Variants in GABBR2 observed in about 807,000 individuals in gnomAD.
GABBR2 encodes G-protein coupled receptor 51.
In GABBR2, 23 loss-of-function variants were observed where a neutral mutation model predicts 105.6. That is an observed-to-expected ratio of 0.22 (90% CI 0.16 to 0.31). The LOEUF is 0.31. GABBR2 is among the 10% of genes least tolerant of loss of function. The pLI is 1.00. For missense variants in GABBR2, 734 were observed against 1,245.5 expected (o/e 0.59, Z 6.18); for synonymous variants, 478 against 499.7 (o/e 0.96, Z 0.58).
chr9:98,453,130 G>A (rs111661698), intron 7 of GABBR2, among the ~76,000 whole-genome samples: 4 of 152,170 alleles, frequency 2.6e-5, no homozygotes, highest in South Asian at 2.1e-4. Context: ...GGGTTCAAGC[G>A]ATTCTCCTGC....
chr9:98,382,454 C>T (rs996231062), intron 11 of GABBR2, among the ~76,000 whole-genome samples: 4 of 152,128 alleles, frequency 2.6e-5, no homozygotes, highest in African/African-American at 9.7e-5. Flanking sequence ...GCTGGGACTA[C>T]AGGCGCCCGC....
At chr9:98,416,428 T>C (rs1183543377) in intron 7 of GABBR2, among the ~76,000 whole-genome samples, 1 of 152,232 alleles carries the variant, frequency 6.6e-6, no homozygotes, top group Admixed American at 6.5e-5. Flanking sequence ...CTCTCTATCC[T>C]GCTCTGTGAT....
intron 1 of GABBR2, among the ~76,000 whole-genome samples, chr9:98,685,840 AC>A (rs1237981495): frequency 6.6e-6 from 1 of 151,984 alleles, no homozygotes; most frequent in Admixed American, 6.6e-5. Context: ...CTACACACAC[AC>A]ACACCATCAT....
intron 12 of GABBR2, among the ~76,000 whole-genome samples, chr9:98,369,609 T>C (rs1831742918): frequency 1.3e-5 from 2 of 152,230 alleles, no homozygotes; most frequent in Admixed American, 6.5e-5. Context: ...GTTTAGCCTG[T>C]TGGCCTCACT....
intron 2 of GABBR2, among the ~76,000 whole-genome samples, chr9:98,556,390 G>A (rs1385587970): frequency 6.6e-6 from 1 of 152,164 alleles, no homozygotes; most frequent in Admixed American, 6.5e-5. Context: ...TACCCTGTGA[G>A]CCAACGCTTT....
chr9:98,609,590 C>G (rs892619727), intron 1 of GABBR2, among the ~76,000 whole-genome samples: 1 of 152,166 alleles, frequency 6.6e-6, no homozygotes, highest in African/African-American at 2.4e-5. Context: ...CAATGAGTGG[C>G]AAAACTGGTT....
chr9:98,322,464 C>T (rs1236256249), intron 13 of GABBR2, among the ~76,000 whole-genome samples: 2 of 152,118 alleles, frequency 1.3e-5, no homozygotes, highest in African/African-American at 4.8e-5. Context: ...CTCTTCCCAA[C>T]CCATTCCTCC....
rs1830235582 is a variant in GABBR2, at chr9:98,288,523, ATAT to A, written c.*2058_*2060del. 1 of 151,816 alleles carries A rather than the reference ATAT, an allele frequency of 6.6e-6. No homozygotes were observed. The highest frequency in any genetic ancestry group is 1.5e-5 in the Non-Finnish European group (1 of 67,800). The allele number at this position is 151,816 out of a possible 1,614,324, so 9.4% of individuals were successfully genotyped here. ...TTTGTTTTCCTGCTATGCTGGAATA[ATAT>A]TTCTACAGGTATTTTTTTTTGTGTG... On this transcript the variant is annotated 3_prime_UTR_variant, in exon 19 of 19. Transcript: ENST00000259455.
intron 13 of GABBR2, among the ~76,000 whole-genome samples, chr9:98,361,178 C>T (rs1028556817): frequency 2.6e-5 from 4 of 152,132 alleles, no homozygotes; most frequent in African/African-American, 9.7e-5. Context: ...TGTTGAAAGG[C>T]AGGGTTAGGC....
chr9:98,325,040 C>T (rs1181824620), intron 13 of GABBR2, among the ~76,000 whole-genome samples: 1 of 152,140 alleles, frequency 6.6e-6, no homozygotes, highest in African/African-American at 2.4e-5. Context: ...AGTGTCTTCT[C>T]TCATATCTCT....
Position 98,376,534 on chromosome 9 carries a change from TCCCAGAGCGC to T in GABBR2, c.1663-4973_1663-4964del, listed in dbSNP as rs1029226393. ...CAATAGTGAGAAGGAGGGAAGAAAC[TCCCAGAGCGC>T]CCCAAAGCAAGCCCCAGAGCACTGT... On this transcript the variant is annotated intron_variant, in intron 11 of 18. Transcript: ENST00000259455. Among the ~76,000 whole-genome samples, 68 of 152,154 alleles carry T rather than the reference TCCCAGAGCGC, an allele frequency of 4.5e-4. 1 individual carries two copies. The highest frequency in any genetic ancestry group is 1.5e-3 in the African/African-American group (64 of 41,482).
At chr9:98,490,359 G>A (rs1194763986) in intron 4 of GABBR2, among the ~76,000 whole-genome samples, 1 of 152,166 alleles carries the variant, frequency 6.6e-6, no homozygotes, top group East Asian at 1.9e-4. Flanking sequence ...TAGGGCATAG[G>A]GTTCCTGATG....
chr9:98,622,268 G>T (rs1829679926), intron 1 of GABBR2, among the ~76,000 whole-genome samples: 1 of 152,092 alleles, frequency 6.6e-6, no homozygotes, highest in African/African-American at 2.4e-5. Context: ...AGGCTAAATG[G>T]ATCCTTCCAC....
intron 4 of GABBR2, among the ~76,000 whole-genome samples, chr9:98,484,548 T>C (rs1827001734): frequency 6.6e-6 from 1 of 151,548 alleles, no homozygotes; most frequent in South Asian, 2.1e-4. Flanking sequence ...GAATCCAGGG[T>C]TGGGGAGAGG....
intron 7 of GABBR2, among the ~76,000 whole-genome samples, chr9:98,443,378 A>G (rs1046835147): frequency 2.0e-5 from 3 of 152,230 alleles, no homozygotes; most frequent in Non-Finnish European, 2.9e-5. Context: ...TTAGGCATCA[A>G]TTCAAACAAA....
chr9:98,517,826 G>T (rs567993473), intron 3 of GABBR2, among the ~76,000 whole-genome samples: 1 of 152,278 alleles, frequency 6.6e-6, no homozygotes, highest in African/African-American at 2.4e-5. Flanking sequence ...AGACCAATGA[G>T]AACCCAGTGG....
At chr9:98,704,634 A>G (rs1400684645) in intron 1 of GABBR2, among the ~76,000 whole-genome samples, 1 of 152,214 alleles carries the variant, frequency 6.6e-6, no homozygotes, top group Non-Finnish European at 1.5e-5. Context: ...AAAAAATGAC[A>G]ACTGGAAGGG....
At chr9:98,480,193 C>T (rs1194492003) in intron 5 of GABBR2, among the ~76,000 whole-genome samples, 1 of 152,148 alleles carries the variant, frequency 6.6e-6, no homozygotes, top group Non-Finnish European at 1.5e-5. Context: ...ATTTTGTTGA[C>T]TTTTCTCCTG....
chr9:98,357,967 T>A (rs1368192279), intron 13 of GABBR2, among the ~76,000 whole-genome samples: 1 of 152,270 alleles, frequency 6.6e-6, no homozygotes, highest in Non-Finnish European at 1.5e-5. Context: ...GTTTTGGGTA[T>A]TCATGCGTGA....
Sources: allele counts gnomAD v4.1 joint callset (sites outside exome capture counted in the v4.1 genomes callset), GRCh38; gene constraint gnomAD v4.1.1; transcripts MANE v1.5; gene names NCBI Gene and HGNC (gene_info 2026-07-23, HGNC 2026-07-21).